Variants in CSTL1 observed in about 807,000 individuals in gnomAD.
The protein encoded by CSTL1 is cystatin like 1.
CSTL1 carries 14 observed loss-of-function variants against 14.4 expected under a neutral mutation model. The observed-to-expected ratio is 0.97, with a 90% CI of 0.64 to 1.52. CSTL1 has a LOEUF of 1.52. Ranked by LOEUF, CSTL1 falls within the 40% of genes most tolerant of loss-of-function variation. The pLI, the probability that CSTL1 is intolerant of heterozygous loss-of-function variation, is 0.00. For missense variants in CSTL1, 170 were observed against 168.7 expected (o/e 1.01, Z -0.04); for synonymous variants, 72 against 67.5 (o/e 1.07, Z -0.33).
chr20:23,442,653 C>T (rs150136665), intron 2 of CSTL1, among the ~76,000 whole-genome samples: 10 of 152,134 alleles, frequency 6.6e-5, no homozygotes, highest in East Asian at 1.9e-4. Flanking sequence ...TGTTTGGGTG[C>T]GGGGAGGCTG....
intron 3 of CSTL1, among the ~76,000 whole-genome samples, chr20:23,444,246 G>GT (rs1307044827): frequency 6.6e-6 from 1 of 152,228 alleles, no homozygotes; most frequent in African/African-American, 2.4e-5. Flanking sequence ...CCAGGCCTCT[G>GT]GTTGCCTGGA....
the CSTL1 span, among the ~76,000 whole-genome samples, chr20:23,455,147 C>T: frequency 6.6e-6 from 1 of 152,170 alleles, no homozygotes; most frequent in Non-Finnish European, 1.5e-5. Flanking sequence ...GATTGTGGTG[C>T]CTTGTGCCCT....
At chr20:23,440,531 C>G (rs1477295800) in intron 2 of CSTL1, 45 bp downstream of exon 2, 1 of 1,412,928 alleles carries the variant, frequency 7.1e-7, no homozygotes, top group Admixed American at 1.7e-5. Flanking sequence ...CCTGTTCTTG[C>G]CAGTTCAGAC....
At chr20:23,457,377 C>T in the CSTL1 span, among the ~76,000 whole-genome samples, 7 of 152,242 alleles carry the variant, frequency 4.6e-5, no homozygotes, top group Middle Eastern at 3.4e-3. Flanking sequence ...GCTTCTGTAT[C>T]CGCTATGAAA....
chr20:23,456,353 G>GTGCT, the CSTL1 span, among the ~76,000 whole-genome samples: 2 of 152,204 alleles, frequency 1.3e-5, no homozygotes, highest in Admixed American at 6.5e-5. Flanking sequence ...TTGGGGAGGA[G>GTGCT]TGCTTGCTTC....
downstream of CSTL1, among the ~76,000 whole-genome samples, chr20:23,447,924 C>T (rs1361425104): frequency 2.0e-5 from 3 of 152,144 alleles, no homozygotes; most frequent in African/African-American, 7.2e-5. Context: ...AAATCTTGTT[C>T]AACCTCTAAG....
intron 2 of CSTL1, 36 bp from the exon 3 acceptor site, chr20:23,443,898 G>A (rs372016016): frequency 6.7e-7 from 1 of 1,501,394 alleles, no homozygotes; most frequent in Non-Finnish European, 9.3e-7. Flanking sequence ...CTGGATGCTT[G>A]GAGTCCACAC....
the CSTL1 span, among the ~76,000 whole-genome samples, chr20:23,454,646 A>G: frequency 6.6e-6 from 1 of 152,076 alleles, no homozygotes; most frequent in South Asian, 2.1e-4. Flanking sequence ...GACGGCCTCA[A>G]TTTGTCTGGT....
chr20:23,442,326 G>A (rs1003058042), intron 2 of CSTL1: 2 of 152,236 alleles, frequency 1.3e-5, no homozygotes, highest in African/African-American at 2.4e-5. Context: ...CCTCCCAACT[G>A]AGGCTCCTGG....
At chr20:23,445,293 G>A (rs909284227), downstream of CSTL1, among the ~76,000 whole-genome samples, 5 of 148,562 alleles carry the variant, frequency 3.4e-5, no homozygotes, top group East Asian at 2.0e-4. Flanking sequence ...GAGAAGTGGC[G>A]CAATCACTGA....
At chr20:23,449,007 A>G (rs997654428), downstream of CSTL1, among the ~76,000 whole-genome samples, 1 of 152,200 alleles carries the variant, frequency 6.6e-6, no homozygotes, top group African/African-American at 2.4e-5. Flanking sequence ...CCCCGCTGAA[A>G]CAGGGTTCTG....
chr20:23,454,386 C>T, the CSTL1 span, among the ~76,000 whole-genome samples: 581 of 152,024 alleles, frequency 3.8e-3, 4 homozygotes, highest in African/African-American at 0.013. Flanking sequence ...GAAACACACA[C>T]ACAACACACA....
the CSTL1 span, chr20:23,457,811 A>G: frequency 6.6e-6 from 1 of 152,148 alleles, no homozygotes; most frequent in Non-Finnish European, 1.5e-5. Context: ...TTGAAGTGTG[A>G]TTTTATATTG....
chr20:23,444,175 C>T (rs1391534369), intron 3 of CSTL1, 131 bp downstream of exon 3: 20 of 711,794 alleles, frequency 2.8e-5, no homozygotes, highest in Middle Eastern at 4.9e-4. Flanking sequence ...CTGTCTGGCA[C>T]CTCCTGAGGC....
At chr20:23,440,708 C>T in intron 2 of CSTL1, 1 of 646,906 alleles carries the variant, frequency 1.5e-6, no homozygotes, top group Admixed American at 2.1e-5. Flanking sequence ...GGCATGAACT[C>T]TAACTCCAAT....
chr20:23,439,938 G>A, intron 1 of CSTL1, 132 bp downstream of exon 1: 4 of 343,238 alleles, frequency 1.2e-5, no homozygotes, highest in Non-Finnish European at 2.2e-5. Context: ...AGCTCTTATT[G>A]CAGAGCACTG....
intron 2 of CSTL1, among the ~76,000 whole-genome samples, chr20:23,441,490 C>A (rs565814093): frequency 1.3e-5 from 2 of 152,236 alleles, no homozygotes; most frequent in African/African-American, 4.8e-5. Flanking sequence ...GTTCCAGGAC[C>A]CCTCAGGATG....
At chr20:23,444,194 G>T in intron 3 of CSTL1, 150 bp downstream of exon 3, 1 of 664,542 alleles carries the variant, frequency 1.5e-6, no homozygotes. Flanking sequence ...GCACCTGGGT[G>T]AAGGAGGGAG....
intron 2 of CSTL1, among the ~76,000 whole-genome samples, chr20:23,441,529 A>G (rs946937040): frequency 6.6e-6 from 1 of 152,176 alleles, no homozygotes; most frequent in Admixed American, 6.5e-5. Context: ...GAAGTCTTTT[A>G]TGTAAAATGG....
Sources: gnomAD v4.1 joint callset for allele counts (sites outside exome capture counted in the v4.1 genomes callset) on GRCh38, gnomAD v4.1.1 for gene constraint, MANE v1.5 for transcripts, NCBI Gene and HGNC (gene_info 2026-07-23, HGNC 2026-07-21) for gene names.